Variants in NXPH1 observed in about 807,000 individuals in gnomAD.
The protein encoded by NXPH1 is neurexophilin 1.
NXPH1 carries 5 observed loss-of-function variants against 23.7 expected under a neutral mutation model. That is an observed-to-expected ratio of 0.21 (90% CI 0.11 to 0.44). The LOEUF (loss-of-function observed/expected upper bound fraction) is 0.44. Ranked by LOEUF, NXPH1 falls within the 20% of genes least tolerant of loss-of-function variation. The probability of loss-of-function intolerance (pLI) is 0.99; values close to 1 mark genes in which losing one functional copy is unlikely to be tolerated. For missense variants in NXPH1, 324 were observed against 321.6 expected, an observed-to-expected ratio of 1.01 and a Z score of -0.06; for synonymous variants, 144 against 122.2, an observed-to-expected ratio of 1.18 and a Z score of -1.18.
chr7:8,479,389 T>G (rs905473097), intron 2 of NXPH1, among the ~76,000 whole-genome samples: 5 of 152,150 alleles, frequency 3.3e-5, no homozygotes, highest in African/African-American at 1.2e-4. Flanking sequence ...CTTTGAGCAT[T>G]AGAATTTTTG....
intron 2 of NXPH1, among the ~76,000 whole-genome samples, chr7:8,737,510 C>G (rs535154060): frequency 1.2e-4 from 18 of 152,340 alleles, no homozygotes; most frequent in African/African-American, 4.3e-4. Context: ...CACTCTTAGT[C>G]TGATGGGCTT....
In NXPH1 at chr7:8,701,097, A is replaced by G. The variant is rs538517427; in HGVS notation, c.55-49911A>G. 1.3e-4 allele frequency among the ~76,000 whole-genome samples: 20 copies of G among 152,082 alleles called. 1 individual carries two copies. The South Asian group carries it at 4.1e-3, about 32-fold the overall frequency. On this transcript the variant is annotated intron_variant, in intron 2 of 2. Coordinates refer to ENST00000405863, the MANE Select transcript of NXPH1 (RefSeq NM_152745.3). ...CCAACCTTTCCTTTTATTCATATTC[A>G]TATTCTGTTAATGTATATAAGGCAT...
chr7:8,604,617 T>G (rs1169571220), intron 2 of NXPH1, among the ~76,000 whole-genome samples: 4 of 152,150 alleles, frequency 2.6e-5, no homozygotes, highest in Non-Finnish European at 5.9e-5. Flanking sequence ...TTATATGTTT[T>G]TCATTGCAAT....
chr7:8,664,995 T>C (rs1327532613), intron 2 of NXPH1, among the ~76,000 whole-genome samples: 1 of 152,116 alleles, frequency 6.6e-6, no homozygotes, highest in East Asian at 1.9e-4. Context: ...CTGTCAATTC[T>C]TTCCTTTGCT....
intron 2 of NXPH1, among the ~76,000 whole-genome samples, chr7:8,608,045 A>C (rs531464635): frequency 2.0e-5 from 3 of 152,336 alleles, no homozygotes; most frequent in Admixed American, 1.3e-4. Flanking sequence ...GAAGGATTCT[A>C]TCCGGAGTCT....
intron 2 of NXPH1, among the ~76,000 whole-genome samples, chr7:8,672,770 C>G (rs969821359): frequency 6.6e-6 from 1 of 152,168 alleles, no homozygotes; most frequent in Non-Finnish European, 1.5e-5. Flanking sequence ...TCCTCCTTTT[C>G]CAACTTTGAG....
chr7:8,608,334 T>TTC (rs1171178058), intron 2 of NXPH1, among the ~76,000 whole-genome samples: 1 of 151,640 alleles, frequency 6.6e-6, no homozygotes, highest in East Asian at 1.9e-4. Context: ...CAGTGATTTT[T>TTC]TTTTTTTTTT....
chr7:8,657,418 T>G (rs1379234116), intron 2 of NXPH1, among the ~76,000 whole-genome samples: 1 of 152,194 alleles, frequency 6.6e-6, no homozygotes, highest in Non-Finnish European at 1.5e-5. Context: ...TGAGCAGTGA[T>G]TTGCAGGACA....
At chr7:8,730,563 T>A (rs1780134253) in intron 2 of NXPH1, among the ~76,000 whole-genome samples, 2 of 152,044 alleles carry the variant, frequency 1.3e-5, no homozygotes, top group African/African-American at 4.8e-5. Flanking sequence ...CAGCATTTGC[T>A]TGTCTGTAAA....
At chr7:8,467,278 G>T (rs11972804) in intron 2 of NXPH1, among the ~76,000 whole-genome samples, 1 of 152,050 alleles carries the variant, frequency 6.6e-6, no homozygotes, top group East Asian at 1.9e-4. Flanking sequence ...CTATGAAAGG[G>T]TATTAATAGC....
chr7:8,696,890 T>C (rs1280616497), intron 2 of NXPH1, among the ~76,000 whole-genome samples: 1 of 146,856 alleles, frequency 6.8e-6, no homozygotes, highest in Non-Finnish European at 1.5e-5. Flanking sequence ...ATGCCTATTA[T>C]CCCAGCACTT....
chr7:8,565,604 G>GA (rs1374095547), intron 2 of NXPH1, among the ~76,000 whole-genome samples: 1 of 151,726 alleles, frequency 6.6e-6, no homozygotes, highest in Non-Finnish European at 1.5e-5. Context: ...TTATACTAGA[G>GA]AAAAAACATG....
At chr7:8,566,664 G>A (rs1000746738) in intron 2 of NXPH1, among the ~76,000 whole-genome samples, 1 of 151,800 alleles carries the variant, frequency 6.6e-6, no homozygotes, top group Non-Finnish European at 1.5e-5. Flanking sequence ...GCCCTCATGA[G>A]TTCGAAGGCC....
chr7:8,439,286 G>C (rs1014531046), intron 2 of NXPH1, among the ~76,000 whole-genome samples: 20 of 152,084 alleles, frequency 1.3e-4, no homozygotes, highest in Non-Finnish European at 8.8e-5. Flanking sequence ...GAAGAGTGGG[G>C]GTTCTAACTT....
At chr7:8,524,402 G>T (rs1345057975) in intron 2 of NXPH1, among the ~76,000 whole-genome samples, 2 of 152,184 alleles carry the variant, frequency 1.3e-5, no homozygotes, top group East Asian at 3.9e-4. Flanking sequence ...TACCTCAGGT[G>T]GGACTTACAG....
At chr7:8,739,166 T>TG (rs1780315510) in intron 2 of NXPH1, among the ~76,000 whole-genome samples, 3 of 49,522 alleles carry the variant, frequency 6.1e-5, no homozygotes, top group African/African-American at 1.8e-4. Flanking sequence ...CAGGCACCAG[T>TG]GGGGTAAAAA....
intron 2 of NXPH1, among the ~76,000 whole-genome samples, chr7:8,459,361 A>G (rs1200705782): frequency 3.3e-5 from 5 of 152,138 alleles, no homozygotes; most frequent in African/African-American, 1.2e-4. Flanking sequence ...AAACTGATTT[A>G]TATTCCATTA....
intron 2 of NXPH1, among the ~76,000 whole-genome samples, chr7:8,648,876 T>A (rs1474653462): frequency 1.3e-5 from 2 of 152,062 alleles, no homozygotes; most frequent in African/African-American, 4.8e-5. Context: ...AAAATTTTTG[T>A]TTTATATAAG....
At chr7:8,667,620 A>G (rs762093797) in intron 2 of NXPH1, among the ~76,000 whole-genome samples, 4 of 151,642 alleles carry the variant, frequency 2.6e-5, no homozygotes, top group Non-Finnish European at 4.4e-5. Flanking sequence ...AGGATCTTCT[A>G]TTTGCCTTTG....
Sources: allele counts gnomAD v4.1 joint callset (sites outside exome capture counted in the v4.1 genomes callset), GRCh38; gene constraint gnomAD v4.1.1; transcripts MANE v1.5; gene names NCBI Gene and HGNC (gene_info 2026-07-23, HGNC 2026-07-21).